EML4: variants seen among roughly 807,000 people sequenced by gnomAD.
The protein encoded by EML4 is EMAP like 4.
Under a neutral mutation model 129.0 loss-of-function variants are expected in EML4, and 72 were observed. The ratio of observed to expected loss-of-function variants is 0.56; its 90% confidence interval spans 0.46 to 0.68. EML4 has a LOEUF of 0.68. Ranked by LOEUF, EML4 falls within the 30% of genes least tolerant of loss-of-function variation. The pLI, the probability that EML4 is intolerant of heterozygous loss-of-function variation, is 0.00. For missense variants in EML4, 1,363 were observed against 1,190.6 expected, an observed-to-expected ratio of 1.14 and a Z score of -2.13; for synonymous variants, 532 against 405.0, an observed-to-expected ratio of 1.31 and a Z score of -3.77.
chr2:42,271,280 C>T (rs1412838624), intron 6 of EML4, among the ~76,000 whole-genome samples: 1 of 152,172 alleles, frequency 6.6e-6, no homozygotes, highest in African/African-American at 2.4e-5. Flanking sequence ...CAAGTATTCT[C>T]TGTATTTTTA....
In EML4 at chr2:42,280,912, G is replaced by T. The variant is rs1297872706; in HGVS notation, c.730G>T (p.Val244Phe). ...RPITMFIPSD[V>F]DNYDDIRTEL... ...AATTACCATGTTCATTCCTTCCGAT[G>T]TTGACAACTATGATGACATCAGAAC... The change falls in exon 7 of 23, where the codon GTT (valine) becomes TTT (phenylalanine). Residue 244 changes from valine to phenylalanine, a missense_variant. Transcript: ENST00000318522. 1 of 1,612,758 alleles carries T rather than the reference G, an allele frequency of 6.2e-7. No individual in the cohort carries two copies. Among genetic ancestry groups the T allele is most frequent in the South Asian group, 1.1e-5 (1 of 90,960 alleles).
Position 42,295,029 on chromosome 2 carries a change from T to G in EML4, c.1219-96T>G, listed in dbSNP as rs1313783825. On this transcript the variant is annotated intron_variant, in intron 11 of 22. Transcript: ENST00000318522. ...GAAGAAGAGGCATTTTCTCAAAATC[T>G]TGCCCTATCGTTAATTGTAAGTAGC... 3 of 1,113,558 alleles carry G rather than the reference T, an allele frequency of 2.7e-6. No individual in the cohort carries two copies. In the East Asian group the frequency reaches 7.8e-5, roughly 29 times the overall value. 69.0% of individuals were successfully genotyped at this position (1,113,558 alleles called of 1,614,324 possible). A position where few individuals can be genotyped will look rare whatever the true frequency, so the allele number is the denominator to read the frequency against.
chr2:42,203,508 T>C (rs1433175579), intron 1 of EML4, among the ~76,000 whole-genome samples: 2 of 152,204 alleles, frequency 1.3e-5, no homozygotes, highest in African/African-American at 4.8e-5. Context: ...GAACTTTATA[T>C]AGATTTTATT....
At position 42,295,144 on chromosome 2, in the gene EML4, T is replaced by G; in HGVS notation, c.1238T>G (p.Leu413Trp). 6.2e-7 allele frequency: 1 copy of G among 1,611,292 alleles called. No homozygotes were observed. The highest frequency in any genetic ancestry group is 8.5e-7 in the Non-Finnish European group (1 of 1,179,262). The change falls in exon 12 of 23, where the codon TTG (leucine) becomes TGG (tryptophan). Residue 413 changes from leucine (L) to tryptophan (W), a missense_variant. Physicochemically the swap from Leu to Trp is moderately conservative, Grantham distance 61. Transcript: ENST00000318522. ...AEIKTTNEVVLAVEFHPTDAN... is the reference protein window; with the variant it reads ...AEIKTTNEVVWAVEFHPTDAN... Reference sequence around the variant, plus strand: ...TCATAGACAACAAATGAAGTTGTTTTGGCTGTGGAGTTTCACCCAACAGAT... The same window carrying G: ...TCATAGACAACAAATGAAGTTGTTTGGGCTGTGGAGTTTCACCCAACAGAT...
chr2:42,248,620 C>A (rs1675567306), intron 2 of EML4, among the ~76,000 whole-genome samples: 1 of 152,108 alleles, frequency 6.6e-6, no homozygotes, highest in African/African-American at 2.4e-5. Context: ...ACAGAACCAT[C>A]TCTGTGGAAC....
chr2:42,241,544 C>T (rs996585163), intron 1 of EML4, among the ~76,000 whole-genome samples: 3 of 152,178 alleles, frequency 2.0e-5, no homozygotes, highest in African/African-American at 7.2e-5. Flanking sequence ...CTGCAACAGC[C>T]TCCTGTCTGT....
chr2:42,302,190 G>A (rs1351150621), intron 14 of EML4, among the ~76,000 whole-genome samples: 2 of 151,962 alleles, frequency 1.3e-5, no homozygotes, highest in African/African-American at 4.8e-5. Context: ...TTAATTTACA[G>A]AGAACTTCCA....
chr2:42,308,628 A>G lies in EML4; in HGVS notation c.1967+4077A>G, dbSNP rs189610902. The stretch of plus-strand genomic sequence containing the variant: ...AAATACTATAAAATTCACTGATTTA[A>G]GATATATAATTCAGTAAGTTCACAG... On this transcript the variant is annotated intron_variant, in intron 17 of 22. Transcript: ENST00000318522. 1.5e-3 allele frequency among the ~76,000 whole-genome samples: 222 copies of G among 152,348 alleles called. 3 individuals are homozygous for G. Among genetic ancestry groups the G allele is most frequent in the Non-Finnish European group, 3.2e-4 (22 of 68,028 alleles).
chr2:42,197,235 G>T (rs541454479), intron 1 of EML4, among the ~76,000 whole-genome samples: 3 of 152,136 alleles, frequency 2.0e-5, no homozygotes, highest in African/African-American at 4.8e-5. Context: ...GCTAATTTTC[G>T]TATTGTTTTG....
chr2:42,283,024 G>A (rs745846353), intron 8 of EML4, 52 bp downstream of exon 8: 5 of 1,492,006 alleles, frequency 3.4e-6, no homozygotes. Context: ...CCCTCATTTT[G>A]TATTTTTTAA....
intron 1 of EML4, among the ~76,000 whole-genome samples, chr2:42,177,169 G>C (rs1670653832): frequency 6.6e-6 from 1 of 152,052 alleles, no homozygotes; most frequent in Non-Finnish European, 1.5e-5. Flanking sequence ...TCTTGCAGTG[G>C]AGATTTCATG....
At position 42,295,462 on chromosome 2, in the gene EML4, A is replaced by T. The variant is rs763205004; in HGVS notation, c.1435A>T (p.Met479Leu). Reference sequence around the variant, plus strand: ...TCTTACTGGAGACTCAGGTGGAGTCATGCTTATATGGAGCAAAACTACTGT... The same window carrying T: ...TCTTACTGGAGACTCAGGTGGAGTCTTGCTTATATGGAGCAAAACTACTGT... ...DVLTGDSGGV[M>L]LIWSKTTVEP... The change falls in exon 13 of 23, where the codon ATG becomes TTG. Residue 479 changes from methionine (M) to leucine (L), a missense_variant. Transcript: ENST00000318522. 1.2e-6 allele frequency: 2 copies of T among 1,613,946 alleles called. No homozygotes were observed. Among genetic ancestry groups the T allele is most frequent in the South Asian group, 1.1e-5 (1 of 91,080 alleles).
rs1337172086 is a variant in EML4, at chr2:42,280,869, G to A, written c.687G>A (p.Met229Ile). ...CAACAGAAGGAGAATATATTAAAAT[G>A]TTTATGCGCGGTCGGCCAATTACCA... is the stretch of plus-strand genomic sequence containing the variant. Reference protein sequence around the residue: ...IINQEGEYIKMFMRGRPITMF... With the variant: ...IINQEGEYIKIFMRGRPITMF... Residue 229 changes from methionine (M) to isoleucine (I), a missense_variant, in exon 7 of 23, where the codon ATG becomes ATA. Met to Ile is a conservative substitution (Grantham distance 10, BLOSUM62 1). Coordinates refer to ENST00000318522, the MANE Select transcript of EML4 (RefSeq NM_019063.5). 2.5e-6 allele frequency: 4 copies of A among 1,610,838 alleles called. No homozygotes were observed. The highest frequency in any genetic ancestry group is 2.2e-5 in the East Asian group (1 of 44,826).
intron 1 of EML4, among the ~76,000 whole-genome samples, chr2:42,221,403 C>CTTTTTTTTTTTTTTTTTTTTTTTT (rs74816568): frequency 9.2e-6 from 1 of 108,256 alleles, no homozygotes; most frequent in African/African-American, 3.3e-5. Flanking sequence ...ACATGGTTTA[C>CTTTTTTTTTTTTTTTTTTTTTTTT]TTTTTTTTTT....
chr2:42,291,989 A>G (rs960063059), intron 11 of EML4, among the ~76,000 whole-genome samples: 1 of 152,144 alleles, frequency 6.6e-6, no homozygotes, highest in Non-Finnish European at 1.5e-5. Context: ...CAAAAATACT[A>G]AGGTTGCTGA....
chr2:42,231,498 A>G (rs1674341694), intron 1 of EML4, among the ~76,000 whole-genome samples: 1 of 151,908 alleles, frequency 6.6e-6, no homozygotes, highest in Non-Finnish European at 1.5e-5. Flanking sequence ...CTCATTCCCC[A>G]CACTGTTTTT....
At chr2:42,263,341 GTA>G (rs1458649004) in intron 5 of EML4, 35 bp downstream of exon 5, 1 of 1,377,788 alleles carries the variant, frequency 7.3e-7, no homozygotes, top group Non-Finnish European at 9.7e-7. Context: ...TATCTGAAAA[GTA>G]ATAATTATTT....
At position 42,303,389 on chromosome 2, in the gene EML4, G is replaced by T. The variant is rs560179083; in HGVS notation, c.1842G>T (p.Arg614Ser). ...KDLLLTCAQDRQVCLWNSMEH... is the reference protein window; with the variant it reads ...KDLLLTCAQDSQVCLWNSMEH... ...TGCTCTTGACATGTGCTCAGGACAG[G>T]CAGGTGTGCCTGTGGAACTCAATGG... The change falls in exon 16 of 23, where the codon AGG becomes AGT. Residue 614 changes from arginine (R) to serine (S), a missense_variant. Physicochemically the swap from Arg to Ser is moderately radical, Grantham distance 110. Transcript: ENST00000318522. 5.0e-6 allele frequency: 8 copies of T among 1,614,142 alleles called. No individual in the cohort carries two copies. In the East Asian group the frequency reaches 1.6e-4, roughly 31 times the overall value.
At chr2:42,215,433 T>C (rs984384334) in intron 1 of EML4, among the ~76,000 whole-genome samples, 16 of 152,208 alleles carry the variant, frequency 1.1e-4, no homozygotes, top group African/African-American at 3.9e-4. Context: ...CTTTAATATT[T>C]TATGTACCTA....
Sources: allele counts gnomAD v4.1 joint callset (sites outside exome capture counted in the v4.1 genomes callset), GRCh38; gene constraint gnomAD v4.1.1; transcripts MANE v1.5; gene names NCBI Gene and HGNC (gene_info 2026-07-23, HGNC 2026-07-21).